The following OSBPL6 variants were observed in gnomAD, a reference collection of about 807,000 sequenced individuals.
OSBPL6 encodes the protein oxysterol-binding protein-related protein 6.
Under a neutral mutation model 125.8 loss-of-function variants are expected in OSBPL6, and 49 were observed. That is an observed-to-expected ratio of 0.39 (90% confidence interval 0.31 to 0.49). The LOEUF (loss-of-function observed/expected upper bound fraction) is 0.49, where lower values mean the gene tolerates loss of function less well. OSBPL6 is among the 20% of genes least tolerant of loss of function. The pLI is 0.88. For synonymous variants in OSBPL6, 394 were observed against 391.8 expected (o/e 1.01, Z -0.07); for missense variants, 986 against 1,135.4 (o/e 0.87, Z 1.89).
chr2:178,359,157 C>G (rs1445031640), intron 12 of OSBPL6, among the ~76,000 whole-genome samples: 1 of 152,110 alleles, frequency 6.6e-6, no homozygotes, highest in East Asian at 1.9e-4. Context: ...CAATAGACAA[C>G]AGAGTGGGAC....
chr2:178,231,471 T>C (rs897738686), intron 1 of OSBPL6, among the ~76,000 whole-genome samples: 22 of 152,228 alleles, frequency 1.4e-4, no homozygotes, highest in African/African-American at 4.6e-4. Context: ...AGCTCGATTT[T>C]ACAGGCTGCT....
At chr2:178,375,363 T>C (rs1693764457) in intron 15 of OSBPL6, among the ~76,000 whole-genome samples, 1 of 152,196 alleles carries the variant, frequency 6.6e-6, no homozygotes, top group Non-Finnish European at 1.5e-5. Flanking sequence ...TCTGCCTTGC[T>C]GAGCTCCCAT....
rs114674272 is a variant in OSBPL6, at chr2:178,277,049, G to A, written c.-350-7878G>A. ...AGCAGAGCTGAGTAGTTTCATCAAG[G>A]GATTGCACAAAATCTAAAATATTCA... On this transcript the variant is annotated intron_variant, in intron 1 of 24. Coordinates refer to ENST00000190611, the MANE Select transcript of OSBPL6 (RefSeq NM_032523.4). Among the ~76,000 whole-genome samples, 115 of 152,122 alleles carry A rather than the reference G, an allele frequency of 7.6e-4. 1 individual carries two copies. Among genetic ancestry groups the A allele is most frequent in the African/African-American group, 2.7e-3 (113 of 41,492 alleles).
At chr2:178,302,516 T>C (rs1377751373) in intron 2 of OSBPL6, among the ~76,000 whole-genome samples, 1 of 152,200 alleles carries the variant, frequency 6.6e-6, no homozygotes, top group Admixed American at 6.5e-5. Flanking sequence ...AAACACTTGA[T>C]TGAAAATTGG....
At chr2:178,394,072 T>C (rs918818197) in intron 23 of OSBPL6, among the ~76,000 whole-genome samples, 1 of 152,218 alleles carries the variant, frequency 6.6e-6, no homozygotes, top group African/African-American at 2.4e-5. Flanking sequence ...CTTTCACTGA[T>C]ATTGCTGATT....
chr2:178,326,629 A>C (rs761815012), intron 4 of OSBPL6, among the ~76,000 whole-genome samples: 1 of 152,210 alleles, frequency 6.6e-6, no homozygotes, highest in Non-Finnish European at 1.5e-5. Context: ...TTTTATACTG[A>C]GATGAGTTGT....
intron 8 of OSBPL6, 94 bp from the exon 9 acceptor site, chr2:178,336,207 C>T (rs531438412): frequency 1.4e-6 from 2 of 1,453,214 alleles, no homozygotes; most frequent in Admixed American, 4.1e-5. Flanking sequence ...TTTTCTTCCT[C>T]TCTTTGTTAA....
chr2:178,234,968 A>G (rs1242178019), intron 1 of OSBPL6, among the ~76,000 whole-genome samples: 2 of 151,586 alleles, frequency 1.3e-5, no homozygotes, highest in Non-Finnish European at 2.9e-5. Flanking sequence ...CATGCCACTC[A>G]CTCTTACCAC....
intron 2 of OSBPL6, among the ~76,000 whole-genome samples, chr2:178,291,975 G>C (rs978582854): frequency 1.3e-5 from 2 of 151,978 alleles, no homozygotes; most frequent in African/African-American, 4.8e-5. Context: ...AGGTTCAGGG[G>C]TACATATACA....
intron 1 of OSBPL6, among the ~76,000 whole-genome samples, chr2:178,243,672 G>C (rs2091380287): frequency 6.6e-6 from 1 of 151,854 alleles, no homozygotes. Context: ...TGTTTGTTTT[G>C]AGACGGAGTC....
intron 1 of OSBPL6, among the ~76,000 whole-genome samples, chr2:178,237,421 C>T (rs1217439012): frequency 1.3e-5 from 2 of 152,106 alleles, no homozygotes; most frequent in African/African-American, 4.8e-5. Context: ...CTGTTTCAAA[C>T]AATTTGAAAA....
At chr2:178,266,044 G>A (rs1289106821) in intron 1 of OSBPL6, among the ~76,000 whole-genome samples, 1 of 152,160 alleles carries the variant, frequency 6.6e-6, no homozygotes, top group African/African-American at 2.4e-5. Context: ...AGGCTGAATT[G>A]GGATTAACTA....
At chr2:178,292,955 AT>A (rs1685418629) in intron 2 of OSBPL6, among the ~76,000 whole-genome samples, 1 of 151,954 alleles carries the variant, frequency 6.6e-6, no homozygotes, top group Non-Finnish European at 1.5e-5. Context: ...TGTAGAGTTT[AT>A]TTAAACAATA....
chr2:178,318,617 G>A (rs1261703685), intron 3 of OSBPL6, among the ~76,000 whole-genome samples: 1 of 152,140 alleles, frequency 6.6e-6, no homozygotes, highest in Non-Finnish European at 1.5e-5. Context: ...AATCTATGCC[G>A]CCATCACTGC....
At chr2:178,224,052 G>A (rs334034) in intron 1 of OSBPL6, among the ~76,000 whole-genome samples, 3,329 of 152,234 alleles carry the variant, frequency 0.022, 116 homozygotes, top group African/African-American at 0.076. Flanking sequence ...GGGGAACGCC[G>A]CATCTGAAGG....
At chr2:178,332,499 T>A in intron 6 of OSBPL6, 142 bp from the exon 7 acceptor site, 1 of 625,542 alleles carries the variant, frequency 1.6e-6, no homozygotes, top group East Asian at 2.7e-5. Context: ...GAACCTTAAC[T>A]ATTTTCTGTT....
chr2:178,207,447 T>C (rs2089599763), intron 1 of OSBPL6, among the ~76,000 whole-genome samples: 1 of 152,088 alleles, frequency 6.6e-6, no homozygotes, highest in African/African-American at 2.4e-5. Flanking sequence ...CACTTAATCA[T>C]ATGTTTTGGG....
intron 5 of OSBPL6, among the ~76,000 whole-genome samples, chr2:178,330,144 A>T (rs1158319386): frequency 2.6e-5 from 4 of 152,108 alleles, no homozygotes; most frequent in Non-Finnish European, 5.9e-5. Context: ...CCCCAAATTG[A>T]TGGCCTTGCT....
intron 2 of OSBPL6, among the ~76,000 whole-genome samples, chr2:178,293,882 G>A (rs1243680647): frequency 6.6e-6 from 1 of 151,880 alleles, no homozygotes; most frequent in African/African-American, 2.4e-5. Context: ...TAGTGCTCGA[G>A]CAATTGGACA....
Sources: gnomAD v4.1 joint callset for allele counts (sites outside exome capture counted in the v4.1 genomes callset) on GRCh38, gnomAD v4.1.1 for gene constraint, MANE v1.5 for transcripts, NCBI Gene and HGNC (gene_info 2026-07-23, HGNC 2026-07-21) for gene names.